The following THOP1 variants were observed in gnomAD, a reference collection of about 807,000 sequenced individuals.
THOP1 encodes the protein thimet oligopeptidase.
In THOP1, 49 loss-of-function variants were observed where a neutral mutation model predicts 71.8. The observed-to-expected ratio is 0.68, with a 90% CI of 0.54 to 0.87. The LOEUF (loss-of-function observed/expected upper bound fraction) is 0.87. Among genes scored for constraint, THOP1 ranks in the 40% least tolerant of loss-of-function variants. The probability of loss-of-function intolerance (pLI) is 0.00; values close to 1 mark genes in which losing one functional copy is unlikely to be tolerated. For synonymous variants in THOP1, 426 were observed against 421.5 expected (o/e 1.01, Z -0.13); for missense variants, 843 against 975.6 (o/e 0.86, Z 1.81).
intron 1 of THOP1, among the ~76,000 whole-genome samples, chr19:2,788,506 T>G (rs1915803927): frequency 6.6e-6 from 1 of 152,080 alleles, no homozygotes; most frequent in African/African-American, 2.4e-5. Context: ...GAGACGGAGT[T>G]TCACTCTTGT....
intron 1 of THOP1, among the ~76,000 whole-genome samples, chr19:2,786,435 G>A (rs905684638): frequency 2.0e-5 from 3 of 151,850 alleles, no homozygotes; most frequent in African/African-American, 7.3e-5. Context: ...ACGAGGTTTC[G>A]CCATGTTGCC....
chr19:2,810,119 C>T, intron 9 of THOP1, 185 bp from the exon 10 acceptor site: 1 of 712,368 alleles, frequency 1.4e-6, no homozygotes, highest in African/African-American at 1.8e-5. Context: ...CTGCCACCGG[C>T]AGCCAGCAGC....
rs780656446 is a variant in THOP1, at chr19:2,813,065, C to T, written c.1909-50C>T. On this transcript the variant is annotated intron_variant, in intron 12 of 12. Transcript: ENST00000307741. ...GTGTGCAGACTCCTGGGGTCCTCTG[C>T]CTTCCTCCCTGGGTCCCCACCCGGC... 6 of 1,551,030 alleles carry T rather than the reference C, an allele frequency of 3.9e-6. No homozygotes were observed. In the African/African-American group the frequency reaches 8.1e-5, roughly 21 times the overall value.
rs1049856962 is a variant in THOP1, at chr19:2,804,288, C to T, written c.590-728C>T. ...GGGCCAGGTGGGAGGGTGTGGCTGCCGGGCAGCGGGGTGAACTGTGTCCTG... is the reference window on the plus strand; with the variant it reads ...GGGCCAGGTGGGAGGGTGTGGCTGCTGGGCAGCGGGGTGAACTGTGTCCTG... On this transcript the variant is annotated intron_variant, in intron 5 of 12. Transcript: ENST00000307741. The surrounding 1 kb of genome is among the most constrained non-coding windows in gnomAD (Gnocchi z 4.7). Among the ~76,000 whole-genome samples, 1 of 152,134 alleles carries T rather than the reference C, an allele frequency of 6.6e-6. No individual in the cohort carries two copies. The highest frequency in any genetic ancestry group is 1.9e-4 in the East Asian group (1 of 5,194).
rs1736186 is a variant in THOP1, at chr19:2,815,374, A to G, written c.*2098A>G. The stretch of plus-strand genomic sequence containing the variant: ...ACACCCCACTCCCCTGGAAGTCACC[A>G]ACTGGGCTTAGTTGCCGGATACCCC... On this transcript the variant is annotated 3_prime_UTR_variant, in exon 13 of 13. Coordinates refer to ENST00000307741, the MANE Select transcript of THOP1 (RefSeq NM_003249.5). 68,598 of 152,280 alleles carry G rather than the reference A, an allele frequency of 0.45. 18,016 individuals carry two copies. The highest frequency in any genetic ancestry group is 0.73 in the African/African-American group (30,105 of 41,516). The allele number at this position is 152,280 out of a possible 1,614,324, so 9.4% of individuals were successfully genotyped here. A position where few individuals can be genotyped will look rare whatever the true frequency, so the allele number is the denominator to read the frequency against.
In THOP1 at chr19:2,810,507, CG is replaced by C. The variant is rs1916433973; in HGVS notation, c.1642+21del. The C allele has an allele frequency of 2.6e-6, 4 of 1,544,132 alleles. No homozygotes were observed. The highest frequency in any genetic ancestry group is 1.4e-5 in the African/African-American group (1 of 73,214). On this transcript the variant is annotated intron_variant, in intron 10 of 12. Transcript: ENST00000307741. ...CCAACACAGGTGCACCCGCCCCGTC[CG>C]GGGAAGGGTGCTAACCTCGGGGGGC...
rs1465174877 is a variant in THOP1, at chr19:2,811,662, C to T, written c.1836C>T (p.Tyr612=). 3 of 1,613,374 alleles carry T rather than the reference C, an allele frequency of 1.9e-6. No individual in the cohort carries two copies. In the Admixed American group the frequency reaches 5.0e-5, roughly 27 times the overall value. ...GCTACGACGCCCAGTACTACGGGTA[C>T]CTGTGGAGCGAGGTGTATTCCATGG... is the stretch of plus-strand genomic sequence containing the variant. ...AGGYDAQYYG[Y]LWSEVYSMDM... The change falls in exon 12 of 13, where the codon TAC becomes TAT. Residue 612 remains tyrosine, a synonymous_variant. Transcript: ENST00000307741.
intron 2 of THOP1, among the ~76,000 whole-genome samples, chr19:2,791,557 AC>A (rs1189364262): frequency 6.6e-6 from 1 of 151,708 alleles, no homozygotes; most frequent in Admixed American, 6.6e-5. Context: ...TGGAATCCTG[AC>A]CCTCTTCCCA....
At chr19:2,793,456 C>A (rs1456774223) in intron 2 of THOP1, among the ~76,000 whole-genome samples, 1 of 152,036 alleles carries the variant, frequency 6.6e-6, no homozygotes, top group Non-Finnish European at 1.5e-5. Flanking sequence ...CATTGGGAGG[C>A]CGAGGCAGAT....
In THOP1 at chr19:2,794,810, G is replaced by T; in HGVS notation, c.276G>T (p.Lys92Asn). 1 of 1,613,950 alleles carries T rather than the reference G, an allele frequency of 6.2e-7. No homozygotes were observed. The change falls in exon 3 of 13, where the codon AAG (lysine) becomes AAT (asparagine). Residue 92 changes from lysine to asparagine, a missense_variant. Lys to Asn is a moderately conservative substitution (Grantham distance 94). Transcript: ENST00000307741. ...LDFPQHVSPS[K>N]DIRTASTEAD... ...TCCCCCAGCATGTTTCCCCCTCCAA[G>T]GACATCCGGACAGCCAGCACAGAGG...
chr19:2,811,577 C>G, intron 11 of THOP1, 21 bp from the exon 12 acceptor site: 1 of 1,608,608 alleles, frequency 6.2e-7, no homozygotes, highest in East Asian at 2.2e-5. Context: ...CAGCGTGAAC[C>G]CTGCCATGTG....
At chr19:2,810,925 C>T (rs1035942616) in intron 11 of THOP1, among the ~76,000 whole-genome samples, 157 bp downstream of exon 11, 1 of 152,252 alleles carries the variant, frequency 6.6e-6, no homozygotes, top group Admixed American at 6.5e-5. Context: ...GGGACAGCCC[C>T]AGCTGAGATG....
At chr19:2,810,976 G>T (rs1916448936) in intron 11 of THOP1, among the ~76,000 whole-genome samples, 1 of 152,226 alleles carries the variant, frequency 6.6e-6, no homozygotes, top group South Asian at 2.1e-4. Flanking sequence ...TGCGGCCCCA[G>T]CCCCCAGGAG....
chr19:2,785,897 TC>T (rs1915729359), intron 1 of THOP1, among the ~76,000 whole-genome samples: 1 of 152,080 alleles, frequency 6.6e-6, no homozygotes, highest in Non-Finnish European at 1.5e-5. Context: ...TGATGGCGCT[TC>T]CCTTCCGGAT....
At chr19:2,794,713 T>C in intron 2 of THOP1, 51 bp from the exon 3 acceptor site, 1 of 1,574,704 alleles carries the variant, frequency 6.4e-7, no homozygotes, top group Non-Finnish European at 8.7e-7. Context: ...CACCTGCCAG[T>C]TGTACTGGGG....
At chr19:2,808,750 C>T (rs1049660062) in intron 9 of THOP1, among the ~76,000 whole-genome samples, 38 of 152,224 alleles carry the variant, frequency 2.5e-4, no homozygotes, top group Non-Finnish European at 4.7e-4. Context: ...GGCTTGTGGC[C>T]GCCACCACCT....
At chr19:2,785,809 G>A (rs566054510) in intron 1 of THOP1, 131 bp downstream of exon 1, 122 of 852,336 alleles carry the variant, frequency 1.4e-4, no homozygotes, top group Admixed American at 6.0e-4. Context: ...GGGGCAGCGG[G>A]GGAGGTGGAC....
At chr19:2,792,283 A>G (rs1006767259) in intron 2 of THOP1, among the ~76,000 whole-genome samples, 1 of 152,058 alleles carries the variant, frequency 6.6e-6, no homozygotes, top group African/African-American at 2.4e-5. Context: ...GCTGTAGTGC[A>G]GTAGTGTGAT....
At chr19:2,808,480 C>T (rs1916373169) in intron 9 of THOP1, 36 bp downstream of exon 9, 3 of 1,543,154 alleles carry the variant, frequency 1.9e-6, no homozygotes, top group Admixed American at 1.9e-5. Flanking sequence ...GGGGCAGGGG[C>T]AGGGGCAGGG....
Sources: allele counts gnomAD v4.1 joint callset (sites outside exome capture counted in the v4.1 genomes callset), GRCh38; gene constraint gnomAD v4.1.1; non-coding constraint Gnocchi (gnomAD v3.1); transcripts MANE v1.5; gene names NCBI Gene and HGNC (gene_info 2026-07-23, HGNC 2026-07-21).